The following SPATS1 variants were observed in gnomAD, a reference collection of about 807,000 sequenced individuals.
SPATS1 encodes spermatogenesis-associated serine-rich protein 1.
In SPATS1, 23 loss-of-function variants were observed where a neutral mutation model predicts 33.6. The ratio of observed to expected loss-of-function variants is 0.68; its 90% CI spans 0.49 to 0.97. SPATS1 has a LOEUF of 0.97. Among genes scored for constraint, SPATS1 ranks in the 50% least tolerant of loss-of-function variants. The pLI is 0.00. For missense variants in SPATS1, 327 were observed against 361.0 expected (o/e 0.91, Z 0.76); for synonymous variants, 131 against 125.6 (o/e 1.04, Z -0.29).
chr6:44,376,329 C>T, intron 7 of SPATS1, 29 bp from the exon 8 acceptor site: 1 of 1,510,724 alleles, frequency 6.6e-7, no homozygotes, highest in Non-Finnish European at 9.1e-7. Flanking sequence ...CATCAAACTA[C>T]AACTCAGGGT....
chr6:44,368,932 C>T (rs1368399769), intron 6 of SPATS1, among the ~76,000 whole-genome samples: 10 of 148,744 alleles, frequency 6.7e-5, no homozygotes, highest in Admixed American at 2.7e-4. Flanking sequence ...AGTCTCGCTC[C>T]GTCGCCCTGG....
rs1790053752 is a variant in SPATS1, at chr6:44,378,120, C to T, written c.*1057C>T. 1 of 152,176 alleles carries T rather than the reference C, an allele frequency of 6.6e-6. No individual in the cohort carries two copies. The highest frequency in any genetic ancestry group is 1.5e-5 in the Non-Finnish European group (1 of 68,052). The allele number at this position is 152,176 out of a possible 1,614,324, so 9.4% of individuals were successfully genotyped here. On this transcript the variant is annotated 3_prime_UTR_variant, in exon 9 of 9. Transcript: ENST00000674044. ...CATTCCCCAGTTTAGTATTGCCTAT[C>T]TACAATAGCCAAGCAGGGTGAGAGC...
In SPATS1 at chr6:44,376,437, C is replaced by G; in HGVS notation, c.838C>G (p.Pro280Ala). ...QEVEELDNWQPAVPLMHMLHL... is the reference protein window; with the variant it reads ...QEVEELDNWQAAVPLMHMLHL... ...GGTTGAGGAGCTTGACAACTGGCAG[C>G]CAGCAGTGCCCTTAATGCACATGCT... Residue 280 changes from proline (P) to alanine (A), a missense_variant, in exon 8 of 9, where the codon CCA becomes GCA. By Grantham distance (27) the Pro-to-Ala change is conservative (BLOSUM62 -1). Transcript: ENST00000674044. 1.2e-6 allele frequency: 2 copies of G among 1,611,862 alleles called. No individual in the cohort carries two copies. Among genetic ancestry groups the G allele is most frequent in the Non-Finnish European group, 8.5e-7 (1 of 1,179,254 alleles).
intron 3 of SPATS1, among the ~76,000 whole-genome samples, chr6:44,357,145 A>G (rs2153366946): frequency 6.6e-6 from 1 of 152,180 alleles, no homozygotes; most frequent in East Asian, 1.9e-4. Flanking sequence ...CTCCACCTTT[A>G]TCTCAAAAAC....
intron 7 of SPATS1, among the ~76,000 whole-genome samples, chr6:44,373,060 ATG>A (rs1288660499): frequency 2.0e-5 from 3 of 152,152 alleles, no homozygotes; most frequent in South Asian, 4.1e-4. Flanking sequence ...TACCCTACAC[ATG>A]TGTGTCTTAA....
At chr6:44,358,389 A>C (rs1334428040) in intron 3 of SPATS1, among the ~76,000 whole-genome samples, 1 of 152,098 alleles carries the variant, frequency 6.6e-6, no homozygotes, top group East Asian at 1.9e-4. Context: ...GCCTTTATAA[A>C]CTGCTAGGAA....
chr6:44,346,686 T>C (rs886998350), intron 2 of SPATS1, among the ~76,000 whole-genome samples: 6 of 152,226 alleles, frequency 3.9e-5, no homozygotes, highest in African/African-American at 1.4e-4. Flanking sequence ...GTCCAGCCTG[T>C]TTTTAAAAAT....
At chr6:44,346,468 C>A (rs1384197405) in intron 2 of SPATS1, among the ~76,000 whole-genome samples, 1 of 152,174 alleles carries the variant, frequency 6.6e-6, no homozygotes, top group Non-Finnish European at 1.5e-5. Context: ...TCACTGCAGA[C>A]TCGACCTCTC....
chr6:44,347,796 T>G (rs2153365056), intron 2 of SPATS1, among the ~76,000 whole-genome samples: 1 of 152,302 alleles, frequency 6.6e-6, no homozygotes, highest in East Asian at 1.9e-4. Context: ...CTATTTATGT[T>G]TACTATTTTG....
intron 2 of SPATS1, among the ~76,000 whole-genome samples, chr6:44,349,288 CAA>C (rs35407623): frequency 0.011 from 763 of 72,584 alleles, 9 homozygotes; most frequent in African/African-American, 0.038. Flanking sequence ...GACTCTGGCT[CAA>C]AAAAAAAAAA....
rs936577047 is a variant in SPATS1 at position 44,376,492 on chromosome 6, A to G, written c.874+19A>G. The G allele has an allele frequency of 1.0e-5, 16 of 1,558,968 alleles. No individual in the cohort carries two copies. Among genetic ancestry groups the G allele is most frequent in the Middle Eastern group, 1.7e-4 (1 of 5,960 alleles). ...CTTTCTGGTGGGTTAAAGAAACTTC[A>G]AAGAATAGTGTAAAAACTGGAGGAG... is the stretch of plus-strand genomic sequence containing the variant. On this transcript the variant is annotated intron_variant, in intron 8 of 8. Transcript: ENST00000674044.
At chr6:44,352,495 G>A (rs73439540) in intron 2 of SPATS1, among the ~76,000 whole-genome samples, 2,921 of 152,186 alleles carry the variant, frequency 0.019, 89 homozygotes, top group African/African-American at 0.066. Context: ...AGCCTTCTCA[G>A]CCTCAGTTTT....
intron 6 of SPATS1, among the ~76,000 whole-genome samples, chr6:44,369,270 C>T (rs1039501517): frequency 3.7e-4 from 56 of 152,196 alleles, no homozygotes; most frequent in African/African-American, 1.2e-3. Flanking sequence ...GGGCCGGGCG[C>T]GGTGGCTCAC....
chr6:44,370,067 A>G lies in SPATS1; in HGVS notation c.712A>G (p.Lys238Glu), dbSNP rs1789509791. 1.2e-6 allele frequency: 2 copies of G among 1,612,390 alleles called. No individual in the cohort carries two copies. Among genetic ancestry groups the G allele is most frequent in the South Asian group, 1.1e-5 (1 of 90,968 alleles). Reference sequence around the variant, plus strand: ...GTTTTTCAGAGTGCCTTATGAAAAGAAATTTGATACATTTATTCCACTTGA... The same window carrying G: ...GTTTTTCAGAGTGCCTTATGAAAAGGAATTTGATACATTTATTCCACTTGA... ...VNFSIVPYEKKFDTFIPLEPL... is the reference protein window; with the variant it reads ...VNFSIVPYEKEFDTFIPLEPL... The change falls in exon 7 of 9, where the codon AAA becomes GAA. Residue 238 changes from lysine to glutamate, a missense_variant. Physicochemically the swap from Lys to Glu is moderately conservative, Grantham distance 56. Transcript: ENST00000674044.
chr6:44,343,338 A>C, intron 2 of SPATS1, 104 bp downstream of exon 2: 1 of 1,394,886 alleles, frequency 7.2e-7, no homozygotes, highest in Non-Finnish European at 1.0e-6. Flanking sequence ...GTTTAGAAGG[A>C]AGCTAGTTTG....
intron 7 of SPATS1, among the ~76,000 whole-genome samples, chr6:44,374,367 T>C (rs116489431): frequency 9.5e-4 from 144 of 152,366 alleles, no homozygotes; most frequent in Admixed American, 1.6e-3. Context: ...TTGTTGTTAA[T>C]TGTGTCTTTT....
At chr6:44,357,015 C>T (rs763183282) in intron 3 of SPATS1, among the ~76,000 whole-genome samples, 4 of 152,176 alleles carry the variant, frequency 2.6e-5, no homozygotes, top group Middle Eastern at 3.2e-3. Context: ...AGTTTTCTAA[C>T]CACATGTGAC....
intron 5 of SPATS1, among the ~76,000 whole-genome samples, chr6:44,363,680 CTCCTTCCCTCCTTCCT>C (rs1273962939): frequency 1.8e-4 from 4 of 22,708 alleles, no homozygotes; most frequent in African/African-American, 2.6e-4. Context: ...CCTTCCTTCC[CTCCTTCCCTCCTTCCT>C]TCCTTCCCTC....
At chr6:44,349,103 C>T (rs1788079882) in intron 2 of SPATS1, among the ~76,000 whole-genome samples, 1 of 151,472 alleles carries the variant, frequency 6.6e-6, no homozygotes, top group Admixed American at 6.6e-5. Context: ...TGCACTCCAG[C>T]CGGGGGGACA....
Sources: gnomAD v4.1 joint callset for allele counts (sites outside exome capture counted in the v4.1 genomes callset) on GRCh38, gnomAD v4.1.1 for gene constraint, MANE v1.5 for transcripts, NCBI Gene and HGNC (gene_info 2026-07-23, HGNC 2026-07-21) for gene names.